The following PLA2G4A variants were observed in gnomAD, a reference collection of about 807,000 sequenced individuals.
PLA2G4A encodes phospholipase A2 group IVA.
In PLA2G4A, 40 loss-of-function variants were observed where a neutral mutation model predicts 81.9. The observed-to-expected ratio is 0.49, with a 90% CI of 0.38 to 0.64. PLA2G4A has a LOEUF of 0.64. PLA2G4A is among the 30% of genes least tolerant of loss of function. The pLI is 0.00. For synonymous variants in PLA2G4A, 302 were observed against 296.9 expected (o/e 1.02, Z -0.18); for missense variants, 715 against 905.1 (o/e 0.79, Z 2.69).
At chr1:186,951,054 G>C (rs1184795624) in intron 13 of PLA2G4A, among the ~76,000 whole-genome samples, 1 of 152,002 alleles carries the variant, frequency 6.6e-6, no homozygotes, top group Non-Finnish European at 1.5e-5. Context: ...CTGTGATTTG[G>C]GAACATTTTT....
intron 1 of PLA2G4A, among the ~76,000 whole-genome samples, chr1:186,845,589 G>A (rs1652142681): frequency 1.3e-5 from 2 of 152,126 alleles, no homozygotes; most frequent in Non-Finnish European, 1.5e-5. Flanking sequence ...ATGAGTTGGA[G>A]GGAAAGAGAA....
At chr1:186,875,531 T>G (rs1193174070) in intron 3 of PLA2G4A, among the ~76,000 whole-genome samples, 1 of 152,054 alleles carries the variant, frequency 6.6e-6, no homozygotes, top group African/African-American at 2.4e-5. Flanking sequence ...CACTTCATGT[T>G]AAATGATTAA....
At chr1:186,914,071 T>C (rs771768829) in intron 7 of PLA2G4A, among the ~76,000 whole-genome samples, 5 of 146,166 alleles carry the variant, frequency 3.4e-5, no homozygotes, top group South Asian at 2.2e-4. Flanking sequence ...CAATCCTGCA[T>C]CTTTTGTTTT....
intron 14 of PLA2G4A, among the ~76,000 whole-genome samples, chr1:186,960,684 T>G (rs1656911980): frequency 6.6e-6 from 1 of 152,184 alleles, no homozygotes; most frequent in Non-Finnish European, 1.5e-5. Context: ...TATTTGAATC[T>G]CAGTTGGACC....
chr1:186,954,922 C>T (rs4650710), intron 13 of PLA2G4A, among the ~76,000 whole-genome samples: 145,907 of 152,312 alleles, frequency 0.96, 69,930 homozygotes, highest in East Asian at 1. Context: ...GAATTTAATA[C>T]GAGCCAGGCA....
In PLA2G4A at chr1:186,950,645, T is replaced by G; in HGVS notation, c.1265-12T>G. On this transcript the variant is annotated splice_polypyrimidine_tract_variant and intron_variant, in intron 12 of 17. Transcript: ENST00000367466. ...CCTGAAATGCTTCAATTTTTTTGTT[T>G]TCTTTTCACAGAAAATATTACCACA... The G allele has an allele frequency of 6.6e-7, 1 of 1,523,854 alleles. No homozygotes were observed. 94.4% of individuals were successfully genotyped at this position (1,523,854 alleles called of 1,614,324 possible). A position where few individuals can be genotyped will look rare whatever the true frequency, so the allele number is the denominator to read the frequency against.
intron 10 of PLA2G4A, among the ~76,000 whole-genome samples, chr1:186,944,589 C>G (rs1414153139): frequency 6.6e-6 from 1 of 152,046 alleles, no homozygotes; most frequent in African/African-American, 2.4e-5. Context: ...AATATATGTA[C>G]CATTTGGCTT....
At chr1:186,981,775 T>C (rs2102302119) in intron 17 of PLA2G4A, among the ~76,000 whole-genome samples, 1 of 152,272 alleles carries the variant, frequency 6.6e-6, no homozygotes, top group South Asian at 2.1e-4. Context: ...TATAAGAAGA[T>C]TGATAAATTC....
intron 5 of PLA2G4A, among the ~76,000 whole-genome samples, chr1:186,898,324 C>T (rs1353217972): frequency 6.6e-6 from 1 of 152,090 alleles, no homozygotes; most frequent in African/African-American, 2.4e-5. Flanking sequence ...GGAAAGTATA[C>T]TTTCATGTGT....
intron 1 of PLA2G4A, among the ~76,000 whole-genome samples, chr1:186,850,162 T>C (rs1394735447): frequency 6.6e-6 from 1 of 152,162 alleles, no homozygotes; most frequent in Non-Finnish European, 1.5e-5. Flanking sequence ...TCAGAGTACA[T>C]TGTACTTAGC....
intron 2 of PLA2G4A, among the ~76,000 whole-genome samples, chr1:186,855,805 A>T (rs867551835): frequency 2.4e-4 from 37 of 152,226 alleles, no homozygotes; most frequent in Middle Eastern, 6.8e-3. Context: ...CCTATAAATC[A>T]GGCTACCATA....
intron 5 of PLA2G4A, among the ~76,000 whole-genome samples, chr1:186,900,904 C>T (rs1275711545): frequency 6.6e-6 from 1 of 152,030 alleles, no homozygotes; most frequent in Non-Finnish European, 1.5e-5. Flanking sequence ...CTGATTTTGG[C>T]TGATTGCTTT....
At chr1:186,921,115 C>A (rs1203724485) in intron 7 of PLA2G4A, among the ~76,000 whole-genome samples, 1 of 152,104 alleles carries the variant, frequency 6.6e-6, no homozygotes, top group Non-Finnish European at 1.5e-5. Flanking sequence ...TTTCTTTAGA[C>A]CTTCTATTAA....
At chr1:186,973,005 A>G (rs185005044) in intron 15 of PLA2G4A, among the ~76,000 whole-genome samples, 83 of 152,212 alleles carry the variant, frequency 5.5e-4, no homozygotes, top group Non-Finnish European at 1.1e-3. Context: ...AATCAGTCCA[A>G]GCATTAGCTT....
rs538095452 is a variant in PLA2G4A at position 186,953,341 on chromosome 1, T to G, written c.1336+2613T>G. ...ATTTAACTTGAAGCATCTTCTCATA[T>G]GCTTATCTGCTATCTGTATATCGTT... is the stretch of plus-strand genomic sequence containing the variant. On this transcript the variant is annotated intron_variant, in intron 13 of 17. Transcript: ENST00000367466. Among the ~76,000 whole-genome samples the G allele has an allele frequency of 2.6e-5, 4 of 152,368 alleles. No homozygotes were observed. In the East Asian group the frequency reaches 7.7e-4, roughly 29 times the overall value.
At chr1:186,859,398 G>A (rs1652715218) in intron 2 of PLA2G4A, among the ~76,000 whole-genome samples, 1 of 151,996 alleles carries the variant, frequency 6.6e-6, no homozygotes, top group African/African-American at 2.4e-5. Flanking sequence ...TTGACCAGGA[G>A]CCATGAATTT....
chr1:186,829,779 T>G (rs1359802824), intron 1 of PLA2G4A, among the ~76,000 whole-genome samples: 2 of 152,194 alleles, frequency 1.3e-5, no homozygotes, highest in East Asian at 3.8e-4. Context: ...GATGAATGTA[T>G]CTGTCTCCTA....
chr1:186,890,762 G>A (rs189280158), intron 3 of PLA2G4A, among the ~76,000 whole-genome samples: 128 of 150,000 alleles, frequency 8.5e-4, no homozygotes, highest in South Asian at 2.7e-3. Flanking sequence ...GCTGAGGCAC[G>A]AAAATTGCTT....
At chr1:186,940,506 G>A (rs1656111723) in intron 10 of PLA2G4A, among the ~76,000 whole-genome samples, 1 of 152,030 alleles carries the variant, frequency 6.6e-6, no homozygotes, top group Non-Finnish European at 1.5e-5. Flanking sequence ...TTGGTTCCAG[G>A]CCCCCCTGTG....
Sources: allele counts gnomAD v4.1 joint callset (sites outside exome capture counted in the v4.1 genomes callset), GRCh38; gene constraint gnomAD v4.1.1; transcripts MANE v1.5; gene names NCBI Gene and HGNC (gene_info 2026-07-23, HGNC 2026-07-21).